The following TP63 variants were observed in gnomAD, a reference collection of about 807,000 sequenced individuals.
TP63 encodes tumor protein 63.
In TP63, 17 loss-of-function variants were observed where a neutral mutation model predicts 82.8. That is an observed-to-expected ratio of 0.21 (90% CI 0.14 to 0.31). The LOEUF (loss-of-function observed/expected upper bound fraction) is 0.31, where lower values mean the gene tolerates loss of function less well. Among genes scored for constraint, TP63 ranks in the 10% least tolerant of loss-of-function variants. The pLI is 1.00. For synonymous variants in TP63, 330 were observed against 321.7 expected (o/e 1.03, Z -0.28); for missense variants, 648 against 895.3 (o/e 0.72, Z 3.52).
intron 3 of TP63, among the ~76,000 whole-genome samples, chr3:189,806,958 GTT>G (rs1323228428): frequency 6.6e-6 from 1 of 152,120 alleles, no homozygotes; most frequent in Non-Finnish European, 1.5e-5. Flanking sequence ...TTCTTTGTAA[GTT>G]TGTTCTTCTC....
intron 10 of TP63, chr3:189,880,627 G>C (rs1220572453): frequency 2.0e-6 from 2 of 985,692 alleles, no homozygotes; most frequent in Non-Finnish European, 2.4e-6. Context: ...GTTATTGTCT[G>C]TGCATAAGTA....
chr3:189,896,345 T>TA lies in TP63; in HGVS notation c.*1844dup, dbSNP rs146332971. On this transcript the variant is annotated 3_prime_UTR_variant, in exon 14 of 14. Coordinates refer to ENST00000264731, the MANE Select transcript of TP63 (RefSeq NM_003722.5). ...CAGAACCACACTTGAAACCTTTTTTTATCGTTTTTGTATTTTCATGAAAAT... is the reference window on the plus strand; with the variant it reads ...CAGAACCACACTTGAAACCTTTTTTTAATCGTTTTTGTATTTTCATGAAAAT... The TA allele has an allele frequency of 0.016, 3,366 of 208,038 alleles. 127 individuals carry two copies. The highest frequency in any genetic ancestry group is 0.071 in the African/African-American group (3,106 of 43,986). The allele number at this position is 208,038 out of a possible 1,614,324, so 12.9% of individuals were successfully genotyped here. A position where few individuals can be genotyped will look rare whatever the true frequency, so the allele number is the denominator to read the frequency against.
intron 4 of TP63, among the ~76,000 whole-genome samples, chr3:189,854,397 A>AT (rs201645637): frequency 0.019 from 2,942 of 152,008 alleles, 48 homozygotes; most frequent in South Asian, 0.035. Context: ...CGCCCAGCTA[A>AT]TTTTTTTGTA....
chr3:189,639,658 A>G (rs549516425), intron 1 of TP63, among the ~76,000 whole-genome samples: 237 of 152,266 alleles, frequency 1.6e-3, no homozygotes, highest in Middle Eastern at 0.01. Context: ...CAGATTTTTC[A>G]TAATTGAGGG....
chr3:189,630,993 A>G (rs1729431704), upstream of TP63, among the ~76,000 whole-genome samples: 1 of 152,166 alleles, frequency 6.6e-6, no homozygotes, highest in Non-Finnish European at 1.5e-5. Context: ...TAGCCCCAGA[A>G]ATAGTCACAG....
intron 4 of TP63, among the ~76,000 whole-genome samples, chr3:189,861,443 G>A (rs1035473836): frequency 1.3e-5 from 2 of 151,948 alleles, no homozygotes; most frequent in Admixed American, 6.6e-5. Flanking sequence ...GGGGGTGGAG[G>A]GGTAGGGGGA....
At chr3:189,881,637 TTTC>T (rs1719924900) in intron 10 of TP63, 2 of 652,688 alleles carry the variant, frequency 3.1e-6, no homozygotes, top group South Asian at 6.8e-5. Flanking sequence ...CCTACGTACA[TTTC>T]TTCTGTCAGT....
At chr3:189,811,411 C>T (rs1271888119) in intron 4 of TP63, among the ~76,000 whole-genome samples, 3 of 152,160 alleles carry the variant, frequency 2.0e-5, no homozygotes, top group Non-Finnish European at 2.9e-5. Flanking sequence ...GGTTTCTACT[C>T]ACATATCACA....
intron 1 of TP63, among the ~76,000 whole-genome samples, chr3:189,706,404 C>T (rs1403879864): frequency 6.6e-6 from 1 of 151,990 alleles, no homozygotes; most frequent in Non-Finnish European, 1.5e-5. Context: ...TACAGGCACC[C>T]ACCACCATGC....
intron 1 of TP63, among the ~76,000 whole-genome samples, chr3:189,730,943 T>C (rs1720121289): frequency 6.6e-6 from 1 of 152,218 alleles, no homozygotes; most frequent in Non-Finnish European, 1.5e-5. Context: ...GTTTGCATGC[T>C]CCAATGGGGA....
At chr3:189,797,901 T>C (rs553666822) in intron 3 of TP63, among the ~76,000 whole-genome samples, 2 of 152,210 alleles carry the variant, frequency 1.3e-5, no homozygotes, top group Non-Finnish European at 2.9e-5. Context: ...TAAGCCCTGC[T>C]GGGGAGAAAC....
intron 3 of TP63, among the ~76,000 whole-genome samples, chr3:189,798,271 A>G (rs761635682): frequency 1.9e-4 from 29 of 152,116 alleles, no homozygotes; most frequent in African/African-American, 5.8e-4. Context: ...TCTTCTATCT[A>G]TATGTTCTGC....
intron 4 of TP63, among the ~76,000 whole-genome samples, chr3:189,843,642 G>A (rs939139539): frequency 6.6e-6 from 1 of 152,154 alleles, no homozygotes; most frequent in Non-Finnish European, 1.5e-5. Context: ...GATCCAAAAG[G>A]ATATGGTGGC....
chr3:189,734,365 T>G (rs746493634), intron 1 of TP63, among the ~76,000 whole-genome samples: 1 of 151,950 alleles, frequency 6.6e-6, no homozygotes, highest in Non-Finnish European at 1.5e-5. Context: ...AGAGACAGGG[T>G]TTCCTTGCCC....
At chr3:189,810,682 CCT>C (rs1727448610) in intron 4 of TP63, among the ~76,000 whole-genome samples, 2 of 151,848 alleles carry the variant, frequency 1.3e-5, no homozygotes, top group South Asian at 4.2e-4. Flanking sequence ...ATAGTGAAAC[CCT>C]GTCTGTACTA....
chr3:189,737,140 A>G (rs1460386129), intron 1 of TP63, among the ~76,000 whole-genome samples: 1 of 152,158 alleles, frequency 6.6e-6, no homozygotes. Flanking sequence ...TTAATTAAGA[A>G]CCACCCACAC....
At chr3:189,685,364 C>T (rs532189588) in intron 1 of TP63, among the ~76,000 whole-genome samples, 1 of 152,300 alleles carries the variant, frequency 6.6e-6, no homozygotes, top group East Asian at 1.9e-4. Context: ...CTCTGCCTCA[C>T]TTAGTTTTGG....
At chr3:189,876,942 T>C (rs1407095627) in intron 10 of TP63, among the ~76,000 whole-genome samples, 1 of 152,220 alleles carries the variant, frequency 6.6e-6, no homozygotes, top group Non-Finnish European at 1.5e-5. Flanking sequence ...TTTTTCTTTA[T>C]AGTAGAGGGA....
At position 189,806,204 on chromosome 3, in the gene TP63, C is replaced by T. The variant is rs185965454; in HGVS notation, c.325-2068C>T. 2.8e-4 allele frequency among the ~76,000 whole-genome samples: 43 copies of T among 151,562 alleles called. No individual in the cohort carries two copies. In the East Asian group the frequency reaches 7.7e-3, roughly 27 times the overall value. On this transcript the variant is annotated intron_variant, in intron 3 of 13. Coordinates refer to ENST00000264731, the MANE Select transcript of TP63 (RefSeq NM_003722.5). Reference sequence around the variant, plus strand: ...TAAAAAAAAAATCAAGGGGCCCATGCGTCTTTGTTCTCATCCAAGCCCACA... The same window carrying T: ...TAAAAAAAAAATCAAGGGGCCCATGTGTCTTTGTTCTCATCCAAGCCCACA...
Sources: gnomAD v4.1 joint callset for allele counts (sites outside exome capture counted in the v4.1 genomes callset) on GRCh38, gnomAD v4.1.1 for gene constraint, MANE v1.5 for transcripts, NCBI Gene and HGNC (gene_info 2026-07-23, HGNC 2026-07-21) for gene names.